The following DTWD2 variants were observed in gnomAD, a reference collection of about 807,000 sequenced individuals.
DTWD2 encodes tRNA-uridine aminocarboxypropyltransferase 2.
In DTWD2, 39 loss-of-function variants were observed where a neutral mutation model predicts 31.8. The ratio of observed to expected loss-of-function variants is 1.22; its 90% CI spans 0.95 to 1.60. The LOEUF (loss-of-function observed/expected upper bound fraction) is 1.60, where lower values mean the gene tolerates loss of function less well. DTWD2 is among the 40% of genes most tolerant of loss of function. DTWD2 has a pLI of 0.00. For missense variants in DTWD2, 515 were observed against 381.5 expected (o/e 1.35, Z -2.92); for synonymous variants, 180 against 142.8 (o/e 1.26, Z -1.86).
rs974658573 is a variant in DTWD2 at position 118,948,319 on chromosome 5, CA to C, written c.219-3671del. ...TGAAACCCCGTCTCTACTAAAAATA[CA>C]AAAAAAAAAAATTAGCCGGGCATGA... is the stretch of plus-strand genomic sequence containing the variant. On this transcript the variant is annotated intron_variant, in intron 1 of 5. Transcript: ENST00000510708. Among the ~76,000 whole-genome samples, 800 of 142,022 alleles carry C rather than the reference CA, an allele frequency of 5.6e-3. 7 individuals are homozygous for C. The highest frequency in any genetic ancestry group is 0.017 in the African/African-American group (667 of 39,132). The allele number at this position is 142,022 out of a possible 152,430, so 93.2% of individuals were successfully genotyped here.
chr5:118,950,666 T>C lies in DTWD2; in HGVS notation c.219-6017A>G, dbSNP rs192725373. 4.1e-3 allele frequency among the ~76,000 whole-genome samples: 626 copies of C among 152,290 alleles called. 8 individuals carry two copies. Among genetic ancestry groups the C allele is most frequent in the East Asian group, 0.032 (165 of 5,178 alleles). On this transcript the variant is annotated intron_variant, in intron 1 of 5. Coordinates refer to ENST00000510708, the MANE Select transcript of DTWD2 (RefSeq NM_173666.4). The stretch of plus-strand genomic sequence containing the variant: ...GGCCCAGTGGCCAGATTTCCAGCAC[T>C]TGAAGCAAGATCCTGGGGGAGGAGG...
chr5:118,953,949 C>T (rs959038061), intron 1 of DTWD2, among the ~76,000 whole-genome samples: 6 of 152,166 alleles, frequency 3.9e-5, no homozygotes, highest in African/African-American at 1.4e-4. Context: ...TTCACTTAGA[C>T]CAGGTCTTTG....
At chr5:118,849,957 G>A (rs539486173) in intron 4 of DTWD2, among the ~76,000 whole-genome samples, 4 of 151,582 alleles carry the variant, frequency 2.6e-5, no homozygotes, top group South Asian at 4.2e-4. Flanking sequence ...ACCACGGCAC[G>A]TGTATACCTA....
chr5:118,876,555 C>A (rs540316759), intron 4 of DTWD2, among the ~76,000 whole-genome samples: 1 of 152,218 alleles, frequency 6.6e-6, no homozygotes, highest in Admixed American at 6.5e-5. Flanking sequence ...AGGGGTATTA[C>A]CACTGACCCC....
chr5:118,954,671 T>G (rs1754546100), intron 1 of DTWD2, among the ~76,000 whole-genome samples: 1 of 152,120 alleles, frequency 6.6e-6, no homozygotes, highest in African/African-American at 2.4e-5. Context: ...CACCACCACA[T>G]CTGGCTAATT....
chr5:118,859,405 T>C (rs1428053043), intron 4 of DTWD2, among the ~76,000 whole-genome samples: 1 of 152,228 alleles, frequency 6.6e-6, no homozygotes, highest in Admixed American at 6.5e-5. Flanking sequence ...TCATAAAGTA[T>C]TATGAATTAA....
At chr5:118,881,063 T>C (rs538220504) in intron 4 of DTWD2, among the ~76,000 whole-genome samples, 10 of 152,210 alleles carry the variant, frequency 6.6e-5, no homozygotes, top group Non-Finnish European at 1.5e-4. Context: ...AGATTTTGAA[T>C]GCATTCTAAC....
intron 4 of DTWD2, among the ~76,000 whole-genome samples, chr5:118,921,333 G>A (rs1245939837): frequency 2.6e-5 from 4 of 151,948 alleles, no homozygotes; most frequent in South Asian, 2.1e-4. Flanking sequence ...ACAACATGGC[G>A]AGACCCCTTC....
intron 4 of DTWD2, among the ~76,000 whole-genome samples, chr5:118,891,232 A>G (rs1044297748): frequency 6.6e-6 from 1 of 152,130 alleles, no homozygotes; most frequent in Admixed American, 6.5e-5. Flanking sequence ...TAGTATGGCA[A>G]TGTACTAGAA....
chr5:118,954,425 G>C (rs998862616), intron 1 of DTWD2, among the ~76,000 whole-genome samples: 4 of 152,176 alleles, frequency 2.6e-5, no homozygotes, highest in African/African-American at 9.7e-5. Flanking sequence ...GTAAGCTACA[G>C]GGAGGCAAGG....
At chr5:118,945,185 C>G (rs1754303747) in intron 1 of DTWD2, among the ~76,000 whole-genome samples, 1 of 152,192 alleles carries the variant, frequency 6.6e-6, no homozygotes, top group Non-Finnish European at 1.5e-5. Context: ...TAGAATTATA[C>G]TAGAAGAGTA....
chr5:118,895,639 G>C (rs370136163), intron 4 of DTWD2, among the ~76,000 whole-genome samples: 3 of 152,256 alleles, frequency 2.0e-5, no homozygotes, highest in East Asian at 3.9e-4. Context: ...AACCAAAATA[G>C]TATGGCACTA....
chr5:118,956,957 C>T (rs1754600939), intron 1 of DTWD2, among the ~76,000 whole-genome samples: 3 of 147,228 alleles, frequency 2.0e-5, no homozygotes, highest in Non-Finnish European at 1.5e-5. Context: ...AAGAAACTAA[C>T]GTGATCTGTA....
At chr5:118,900,734 G>A (rs1753186379) in intron 4 of DTWD2, among the ~76,000 whole-genome samples, 1 of 151,980 alleles carries the variant, frequency 6.6e-6, no homozygotes, top group African/African-American at 2.4e-5. Flanking sequence ...AGACCATCCT[G>A]GCTAACATGG....
intron 4 of DTWD2, among the ~76,000 whole-genome samples, chr5:118,851,987 G>A (rs889702865): frequency 4.1e-4 from 63 of 152,202 alleles, no homozygotes; most frequent in African/African-American, 1.3e-3. Flanking sequence ...TATCTCAACC[G>A]CAGAGGACAG....
intron 4 of DTWD2, among the ~76,000 whole-genome samples, chr5:118,927,254 T>C (rs1271596447): frequency 7.6e-6 from 1 of 131,578 alleles, no homozygotes; most frequent in Non-Finnish European, 1.6e-5. Context: ...AATATATGCA[T>C]GGGGTCGGGG....
Position 118,944,553 on chromosome 5 carries a change from T to G in DTWD2, c.309+6A>C, listed in dbSNP as rs1349470912. On this transcript the variant is annotated splice_donor_region_variant and intron_variant, in intron 2 of 5. Coordinates refer to ENST00000510708, the MANE Select transcript of DTWD2 (RefSeq NM_173666.4). Reference sequence around the variant, plus strand: ...ATTTGAAATCCTGTATTTTACAAAATCTTACCTCTGCTGGATGCTGAATTA... The same window carrying G: ...ATTTGAAATCCTGTATTTTACAAAAGCTTACCTCTGCTGGATGCTGAATTA... 2 of 1,612,434 alleles carry G rather than the reference T, an allele frequency of 1.2e-6. No individual in the cohort carries two copies. The highest frequency in any genetic ancestry group is 1.7e-6 in the Non-Finnish European group (2 of 1,179,288).
intron 1 of DTWD2, among the ~76,000 whole-genome samples, chr5:118,979,872 C>A (rs926666955): frequency 1.3e-5 from 2 of 152,202 alleles, no homozygotes; most frequent in East Asian, 3.8e-4. Context: ...GGGAGAGCAT[C>A]AGGAAGAATA....
chr5:118,966,755 C>G (rs549016137), intron 1 of DTWD2, among the ~76,000 whole-genome samples: 2 of 152,242 alleles, frequency 1.3e-5, no homozygotes, highest in South Asian at 4.1e-4. Context: ...AGAGGCCAGG[C>G]ACAGTGGCTC....
Sources: allele counts gnomAD v4.1 joint callset (sites outside exome capture counted in the v4.1 genomes callset), GRCh38; gene constraint gnomAD v4.1.1; transcripts MANE v1.5; gene names NCBI Gene and HGNC (gene_info 2026-07-23, HGNC 2026-07-21).